The following CDK6 variants were observed in gnomAD, a reference collection of about 807,000 sequenced individuals.
The protein encoded by CDK6 is cyclin dependent kinase 6, also known as cyclin-dependent kinase 6.
In CDK6, 6 loss-of-function variants were observed where a neutral mutation model predicts 37.1. That is an observed-to-expected ratio of 0.16 (90% CI 0.09 to 0.32). CDK6 has a LOEUF of 0.32. CDK6 is among the 10% of genes least tolerant of loss of function. The pLI is 1.00. For synonymous variants in CDK6, 160 were observed against 161.3 expected (o/e 0.99, Z 0.06); for missense variants, 224 against 418.9 (o/e 0.53, Z 4.06).
chr7:92,647,749 C>G (rs1390414134), intron 5 of CDK6, among the ~76,000 whole-genome samples: 1 of 152,184 alleles, frequency 6.6e-6, no homozygotes, highest in Non-Finnish European at 1.5e-5. Context: ...GGTTTGGCTA[C>G]AGACCTTGAT....
Position 92,618,188 on chromosome 7 carries a change from C to T in CDK6, c.718G>A (p.Glu240Lys), listed in dbSNP as rs2116484887. ...KILDVIGLPG[E>K]EDWPRDVALP... Reference sequence around the variant, plus strand: ...GCAACATCTCTAGGCCAGTCTTCTTCTCCTGGGAGTCCAATCACGCTACAA... The same window carrying T: ...GCAACATCTCTAGGCCAGTCTTCTTTTCCTGGGAGTCCAATCACGCTACAA... The change falls in exon 7 of 8, where the codon GAA (glutamate) becomes AAA (lysine). Residue 240 changes from glutamate to lysine, a missense_variant. Transcript: ENST00000424848. 2 of 1,614,060 alleles carry T rather than the reference C, an allele frequency of 1.2e-6. No homozygotes were observed. Among genetic ancestry groups the T allele is most frequent in the South Asian group, 1.1e-5 (1 of 91,084 alleles).
chr7:92,714,952 CA>C (rs1382002173), intron 4 of CDK6, among the ~76,000 whole-genome samples: 1 of 152,044 alleles, frequency 6.6e-6, no homozygotes, highest in Non-Finnish European at 1.5e-5. Context: ...TGCCACATTC[CA>C]AAACCAGTGC....
At chr7:92,692,823 A>G (rs1797627674) in intron 4 of CDK6, among the ~76,000 whole-genome samples, 1 of 152,198 alleles carries the variant, frequency 6.6e-6, no homozygotes, top group Non-Finnish European at 1.5e-5. Flanking sequence ...CAACTACCTT[A>G]GGAACACAAA....
intron 5 of CDK6, among the ~76,000 whole-genome samples, chr7:92,641,676 T>TA (rs1401715421): frequency 6.6e-6 from 1 of 152,180 alleles, no homozygotes; most frequent in Non-Finnish European, 1.5e-5. Context: ...ATAAGATTTT[T>TA]AAAAAACAGT....
At chr7:92,694,297 T>C (rs1463950037) in intron 4 of CDK6, among the ~76,000 whole-genome samples, 1 of 152,160 alleles carries the variant, frequency 6.6e-6, no homozygotes, top group African/African-American at 2.4e-5. Context: ...AATCAAGAAG[T>C]CACATTTGAT....
At chr7:92,784,325 C>T (rs567504524) in intron 2 of CDK6, among the ~76,000 whole-genome samples, 100 of 151,906 alleles carry the variant, frequency 6.6e-4, no homozygotes, top group African/African-American at 2.4e-3. Context: ...AGTTCCAATA[C>T]AAAATAGATT....
At chr7:92,697,827 G>A (rs1245453192) in intron 4 of CDK6, among the ~76,000 whole-genome samples, 1 of 152,136 alleles carries the variant, frequency 6.6e-6, no homozygotes. Context: ...GCAATACTTG[G>A]TTTCTGCAAT....
chr7:92,793,100 A>G (rs1800322602), intron 2 of CDK6, among the ~76,000 whole-genome samples: 1 of 152,132 alleles, frequency 6.6e-6, no homozygotes, highest in South Asian at 2.1e-4. Context: ...GCAAGAAATA[A>G]AAGAGCTAAA....
chr7:92,711,441 C>A (rs1044368460), intron 4 of CDK6, among the ~76,000 whole-genome samples: 4 of 150,298 alleles, frequency 2.7e-5, no homozygotes, highest in African/African-American at 9.8e-5. Flanking sequence ...ATACAAGTAG[C>A]AAAAAATATA....
chr7:92,833,377 C>CAACT lies in CDK6; in HGVS notation c.-58_-55dup. The CAACT allele has an allele frequency of 7.6e-7, 1 of 1,318,310 alleles. No individual in the cohort carries two copies. The highest frequency in any genetic ancestry group is 1.4e-5 in the South Asian group (1 of 72,482). The allele number at this position is 1,318,310 out of a possible 1,614,324, so 81.7% of individuals were successfully genotyped here. On this transcript the variant is annotated 5_prime_UTR_variant, in exon 2 of 8. Transcript: ENST00000424848. The surrounding 1 kb of genome is among the most constrained non-coding windows in gnomAD (Gnocchi z 6.1). ...CGCTGGGGCGGGCGGGGGGTGCGCTCAACTAGCTGGCGGCCGCCGCTCGCC... is the reference window on the plus strand; with the variant it reads ...CGCTGGGGCGGGCGGGGGGTGCGCTCAACTAACTAGCTGGCGGCCGCCGCTCGCC...
At chr7:92,799,588 T>C (rs1800516267) in intron 2 of CDK6, among the ~76,000 whole-genome samples, 2 of 151,986 alleles carry the variant, frequency 1.3e-5, no homozygotes, top group African/African-American at 4.8e-5. Context: ...GAAGATCTAC[T>C]ACAGACAGCA....
intron 3 of CDK6, among the ~76,000 whole-genome samples, chr7:92,759,934 G>A (rs1456992124): frequency 6.6e-6 from 1 of 152,080 alleles, no homozygotes; most frequent in Admixed American, 6.6e-5. Context: ...AAGAAAAACT[G>A]AAAATGGAAA....
chr7:92,641,237 CAGT>C (rs1237304491), intron 5 of CDK6, among the ~76,000 whole-genome samples: 1 of 152,162 alleles, frequency 6.6e-6, no homozygotes, highest in African/African-American at 2.4e-5. Context: ...AATTTCCACT[CAGT>C]AGTTTTAGCA....
At chr7:92,811,543 G>A (rs1800884743) in intron 2 of CDK6, among the ~76,000 whole-genome samples, 2 of 151,754 alleles carry the variant, frequency 1.3e-5, no homozygotes, top group Non-Finnish European at 2.9e-5. Context: ...GGCAGAAGGT[G>A]GCATTCAAGA....
chr7:92,664,666 G>A (rs1470584712), intron 5 of CDK6, among the ~76,000 whole-genome samples: 5 of 152,112 alleles, frequency 3.3e-5, no homozygotes, highest in African/African-American at 1.2e-4. Flanking sequence ...TATTCTTCCT[G>A]GTGGCATTTG....
chr7:92,618,052 T>C lies in CDK6; in HGVS notation c.834+20A>G, dbSNP rs368421522. The stretch of plus-strand genomic sequence containing the variant: ...TCTCACTGGCACAGTGCAGACGAGC[T>C]TGACATCAGAAAAACTTACCAGAAG... On this transcript the variant is annotated intron_variant, in intron 7 of 7. Coordinates refer to ENST00000424848, the MANE Select transcript of CDK6 (RefSeq NM_001145306.2). 1.9e-6 allele frequency: 3 copies of C among 1,613,218 alleles called. No homozygotes were observed. Among genetic ancestry groups the C allele is most frequent in the Admixed American group, 3.3e-5 (2 of 59,938 alleles).
At chr7:92,787,142 A>G (rs980900484) in intron 2 of CDK6, among the ~76,000 whole-genome samples, 1 of 146,894 alleles carries the variant, frequency 6.8e-6, no homozygotes, top group Non-Finnish European at 1.5e-5. Context: ...AGGTTGTGCC[A>G]CCACACTCCA....
chr7:92,684,823 A>G (rs1797412662), intron 4 of CDK6, among the ~76,000 whole-genome samples: 1 of 152,172 alleles, frequency 6.6e-6, no homozygotes, highest in South Asian at 2.1e-4. Context: ...AAATACTATG[A>G]CCCACCATTT....
chr7:92,807,704 C>T (rs1378946071), intron 2 of CDK6, among the ~76,000 whole-genome samples: 1 of 152,010 alleles, frequency 6.6e-6, no homozygotes, highest in Non-Finnish European at 1.5e-5. Flanking sequence ...AAATTTTATA[C>T]CTAACCAAGC....
Sources: gnomAD v4.1 joint callset for allele counts (sites outside exome capture counted in the v4.1 genomes callset) on GRCh38, gnomAD v4.1.1 for gene constraint, Gnocchi (gnomAD v3.1) non-coding constraint, MANE v1.5 for transcripts, NCBI Gene and HGNC (gene_info 2026-07-23, HGNC 2026-07-21) for gene names.